Variants in RNASEL observed in about 807,000 individuals in gnomAD.
RNASEL encodes the protein ribonuclease L.
In RNASEL, 36 loss-of-function variants were observed where a neutral mutation model predicts 50.9. The ratio of observed to expected loss-of-function variants is 0.71; its 90% CI spans 0.54 to 0.93. The LOEUF (loss-of-function observed/expected upper bound fraction) is 0.93, where lower values mean the gene tolerates loss of function less well. Among genes scored for constraint, RNASEL ranks in the 40% least tolerant of loss-of-function variants. RNASEL has a pLI of 0.00. For missense variants in RNASEL, 860 were observed against 894.5 expected, an observed-to-expected ratio of 0.96 and a Z score of 0.49; for synonymous variants, 335 against 335.6, an observed-to-expected ratio of 1.00 and a Z score of 0.02.
chr1:182,587,615 CA>C (rs34085847), intron 1 of RNASEL, among the ~76,000 whole-genome samples: 9,520 of 93,990 alleles, frequency 0.1, 455 homozygotes, highest in African/African-American at 0.26. Context: ...AGGTGGCTTC[CA>C]AAAAAAAAAA....
At chr1:182,579,328 T>C (rs1661448095) in intron 5 of RNASEL, 3 of 987,198 alleles carry the variant, frequency 3.0e-6, no homozygotes, top group Non-Finnish European at 3.6e-6. Flanking sequence ...GTCACCCTCA[T>C]AGATACAGAG....
At position 182,586,481 on chromosome 1, in the gene RNASEL, T is replaced by C; in HGVS notation, c.326A>G (p.Lys109Arg). The change falls in exon 2 of 7, where the codon AAA (lysine) becomes AGA (arginine). Residue 109 changes from lysine to arginine, a missense_variant. Physicochemically the swap from Lys to Arg is conservative, Grantham distance 26. Transcript: ENST00000367559. ...AAIAGSVKLL[K>R]LFLSKGADVN... is the part of the protein sequence containing the mutation. The stretch of plus-strand genomic sequence containing the variant: ...ATCTGCTCCTTTAGAAAGGAAAAGT[T>C]TCAGCAGCTTCACGCTCCCCGCAAT... 1 of 1,613,164 alleles carries C rather than the reference T, an allele frequency of 6.2e-7. No individual in the cohort carries two copies. The highest frequency in any genetic ancestry group is 1.1e-5 in the South Asian group (1 of 91,070).
intron 1 of RNASEL, among the ~76,000 whole-genome samples, chr1:182,588,590 C>A (rs1164706033): frequency 6.6e-6 from 1 of 152,254 alleles, no homozygotes; most frequent in Non-Finnish European, 1.5e-5. Flanking sequence ...ATTTAAATAA[C>A]TGCATCTGCT....
chr1:182,575,152 A>G lies in RNASEL; in HGVS notation c.*240T>C, dbSNP rs1661355418. 1 of 548,896 alleles carries G rather than the reference A, an allele frequency of 1.8e-6. No individual in the cohort carries two copies. The highest frequency in any genetic ancestry group is 3.3e-6 in the Non-Finnish European group (1 of 307,120). 34.0% of individuals were successfully genotyped at this position (548,896 alleles called of 1,614,324 possible). A position where few individuals can be genotyped will look rare whatever the true frequency, so the allele number is the denominator to read the frequency against. ...CACTCATTCTTTTGGTGCAATTGAC[A>G]AAAGGAATCTTAGCAGAATGTCCTC... is the stretch of plus-strand genomic sequence containing the variant. On this transcript the variant is annotated 3_prime_UTR_variant, in exon 7 of 7. Coordinates refer to ENST00000367559, the MANE Select transcript of RNASEL (RefSeq NM_021133.4).
chr1:182,575,609 T>G, intron 6 of RNASEL, 31 bp from the exon 7 acceptor site: 1 of 1,612,768 alleles, frequency 6.2e-7, no homozygotes, highest in Non-Finnish European at 8.5e-7. Flanking sequence ...TTCAGCATGC[T>G]TGCCCCAAAT....
intron 5 of RNASEL, chr1:182,579,282 C>T (rs1661447275): frequency 1.0e-6 from 1 of 985,870 alleles, no homozygotes. Flanking sequence ...CAACTCCTTT[C>T]ATATCACAGT....
rs560541364 is a variant in RNASEL at position 182,575,130 on chromosome 1, T to C, written c.*262A>G. 1.3e-5 allele frequency: 7 copies of C among 526,480 alleles called. No homozygotes were observed. Among genetic ancestry groups the C allele is most frequent in the Non-Finnish European group, 2.0e-5 (6 of 293,274 alleles). The allele number at this position is 526,480 out of a possible 1,614,324, so 32.6% of individuals were successfully genotyped here. A position where few individuals can be genotyped will look rare whatever the true frequency, so the allele number is the denominator to read the frequency against. Reference sequence around the variant, plus strand: ...TATGCAGCATTAGGGGTCAAGGCACTCATTCTTTTGGTGCAATTGACAAAA... The same window carrying C: ...TATGCAGCATTAGGGGTCAAGGCACCCATTCTTTTGGTGCAATTGACAAAA... On this transcript the variant is annotated 3_prime_UTR_variant, in exon 7 of 7. Coordinates refer to ENST00000367559, the MANE Select transcript of RNASEL (RefSeq NM_021133.4).
Position 182,575,263 on chromosome 1 carries a change from G to C in RNASEL, c.*129C>G. ...GACATATGGAATACACGATGCCAGG[G>C]ACTGACATATCAGCTATGCAACTCA... On this transcript the variant is annotated 3_prime_UTR_variant, in exon 7 of 7. Transcript: ENST00000367559. The C allele has an allele frequency of 1.2e-6, 1 of 856,070 alleles. No homozygotes were observed. The highest frequency in any genetic ancestry group is 1.4e-5 in the South Asian group (1 of 72,852). The allele number at this position is 856,070 out of a possible 1,614,324, so 53.0% of individuals were successfully genotyped here.
Position 182,575,299 on chromosome 1 carries a change from G to A in RNASEL, c.*93C>T, listed in dbSNP as rs1661357692. ...CAGCTATGCAACTCATCCCTCACAA[G>A]CAACCTGGTGAGTTAAAAGGCCCAG... On this transcript the variant is annotated 3_prime_UTR_variant, in exon 7 of 7. Coordinates refer to ENST00000367559, the MANE Select transcript of RNASEL (RefSeq NM_021133.4). 1 of 1,290,274 alleles carries A rather than the reference G, an allele frequency of 7.8e-7. No individual in the cohort carries two copies. The highest frequency in any genetic ancestry group is 1.7e-5 in the Admixed American group (1 of 59,468). The allele number at this position is 1,290,274 out of a possible 1,614,324, so 79.9% of individuals were successfully genotyped here. A position where few individuals can be genotyped will look rare whatever the true frequency, so the allele number is the denominator to read the frequency against.
At chr1:182,582,684 T>G (rs1178539165) in intron 3 of RNASEL, among the ~76,000 whole-genome samples, 1 of 151,998 alleles carries the variant, frequency 6.6e-6, no homozygotes, top group Admixed American at 6.6e-5. Flanking sequence ...AGAGGCAAAG[T>G]GATGACCCCA....
In RNASEL at chr1:182,574,413, C is replaced by T. The variant is rs1661343712; in HGVS notation, c.*979G>A. The T allele has an allele frequency of 8.7e-6, 2 of 229,392 alleles. No homozygotes were observed. The highest frequency in any genetic ancestry group is 1.2e-4 in the East Asian group (2 of 16,036). 14.2% of individuals were successfully genotyped at this position (229,392 alleles called of 1,614,324 possible). A position where few individuals can be genotyped will look rare whatever the true frequency, so the allele number is the denominator to read the frequency against. On this transcript the variant is annotated 3_prime_UTR_variant, in exon 7 of 7. Transcript: ENST00000367559. ...CCTGTGGGGCTGACACCAGAAGGAA[C>T]TCCATCACTACAGATCCAGCAAGAG...
chr1:182,586,985 A>C lies in RNASEL; in HGVS notation c.-164-15T>G, dbSNP rs1274628261. ...TGACATTCCACCTGGCAACGAAGAG[A>C]GGTGCTTTGTAATTTTACAATAGGG... On this transcript the variant is annotated splice_polypyrimidine_tract_variant and intron_variant, in intron 1 of 6. Transcript: ENST00000367559. The C allele has an allele frequency of 1.1e-5, 8 of 704,698 alleles. No homozygotes were observed. Among genetic ancestry groups the C allele is most frequent in the East Asian group, 5.4e-5 (2 of 36,806 alleles). The allele number at this position is 704,698 out of a possible 1,614,324, so 43.7% of individuals were successfully genotyped here. A position where few individuals can be genotyped will look rare whatever the true frequency, so the allele number is the denominator to read the frequency against.
rs1661578829 is a variant in RNASEL at position 182,585,645 on chromosome 1, C to T, written c.1162G>A (p.Glu388Lys). Reference sequence around the variant, plus strand: ...TCACAGAACGTCTTCACAGCTACTTCTTGCTTCTCATAGAACCCCAGGTAG... The same window carrying T: ...TCACAGAACGTCTTCACAGCTACTTTTTGCTTCTCATAGAACCCCAGGTAG... The part of the protein sequence containing the change: ...GIYLGFYEKQ[E>K]VAVKTFCEGS... Residue 388 changes from glutamate (E) to lysine (K), a missense_variant, in exon 2 of 7, where the codon GAA becomes AAA. Glu to Lys is a moderately conservative substitution (Grantham distance 56). Transcript: ENST00000367559. 1 of 1,614,192 alleles carries T rather than the reference C, an allele frequency of 6.2e-7. No homozygotes were observed. The highest frequency in any genetic ancestry group is 8.5e-7 in the Non-Finnish European group (1 of 1,180,022).
intron 3 of RNASEL, 86 bp downstream of exon 3, chr1:182,583,995 G>T: frequency 2.1e-6 from 2 of 943,732 alleles, no homozygotes; most frequent in Non-Finnish European, 1.8e-6. Context: ...TGTCCTACTA[G>T]TTCTGTCCCT....
At chr1:182,584,254 A>G (rs1016917032) in intron 2 of RNASEL, 88 bp from the exon 3 acceptor site, 3 of 891,192 alleles carry the variant, frequency 3.4e-6, no homozygotes, top group Non-Finnish European at 5.7e-6. Flanking sequence ...GTAACATGCT[A>G]TAAAAATCAT....
At chr1:182,584,404 G>T (rs967924173) in intron 2 of RNASEL, among the ~76,000 whole-genome samples, 1 of 152,104 alleles carries the variant, frequency 6.6e-6, no homozygotes, top group Non-Finnish European at 1.5e-5. Flanking sequence ...TCCAGGCCAG[G>T]GGGTAGGAAG....
rs56250729 is a variant in RNASEL, at chr1:182,586,518, T to G, written c.289A>C (p.Ile97Leu). Residue 97 changes from isoleucine (I) to leucine (L), a missense_variant, in exon 2 of 7, where the codon ATC (isoleucine) becomes CTC (leucine). Ile to Leu is a conservative substitution (Grantham distance 5). Coordinates refer to ENST00000367559, the MANE Select transcript of RNASEL (RefSeq NM_021133.4). The stretch of plus-strand genomic sequence containing the variant: ...ACGCTCCCCGCAATCGCTGCGAGGA[T>G]AAAAGGCGTGGCCCCATTCTTCTTC... ...LRKKNGATPF[I>L]LAAIAGSVKL... The G allele has an allele frequency of 9.1e-3, 14,582 of 1,610,920 alleles. 92 individuals carry two copies. Among genetic ancestry groups the G allele is most frequent in the Non-Finnish European group, 0.011 (13,315 of 1,177,636 alleles).
chr1:182,582,059 C>G lies in RNASEL; in HGVS notation c.1766G>C (p.Trp589Ser), dbSNP rs1221490058. 6.2e-7 allele frequency: 1 copy of G among 1,614,130 alleles called. No individual in the cohort carries two copies. Among genetic ancestry groups the G allele is most frequent in the East Asian group, 2.2e-5 (1 of 44,884 alleles). The change falls in exon 4 of 7, where the codon TGG (tryptophan) becomes TCG (serine). Residue 589 changes from tryptophan to serine, a missense_variant. By Grantham distance (177) the Trp-to-Ser change is radical. Transcript: ENST00000367559. The part of the protein sequence containing the change: ...DLLGHPFFWT[W>S]ESRYRTLRNV... ...TGCACAAAGTTTTACTTACCTCTCC[C>G]AAGTCCAAAAGAAGGGATGACCCAG...
At position 182,585,585 on chromosome 1, in the gene RNASEL, G is replaced by A. The variant is rs2102370326; in HGVS notation, c.1222C>T (p.Leu408=). ...TGACTGTTCTCTCGGCTGCTTTGCA[G>A]ACAAGAGACTTCCCGCTGTGCACGT... is the stretch of plus-strand genomic sequence containing the variant. The part of the protein sequence containing the change: ...SPRAQREVSC[L]QSSRENSHLV... The change falls in exon 2 of 7, where the codon CTG becomes TTG. Residue 408 remains leucine (L), a synonymous_variant. Coordinates refer to ENST00000367559, the MANE Select transcript of RNASEL (RefSeq NM_021133.4). The A allele has an allele frequency of 6.2e-7, 1 of 1,614,170 alleles. No individual in the cohort carries two copies. The highest frequency in any genetic ancestry group is 8.5e-7 in the Non-Finnish European group (1 of 1,180,038).
Sources: gnomAD v4.1 joint callset for allele counts (sites outside exome capture counted in the v4.1 genomes callset) on GRCh38, gnomAD v4.1.1 for gene constraint, MANE v1.5 for transcripts, NCBI Gene and HGNC (gene_info 2026-07-23, HGNC 2026-07-21) for gene names.